ACP6: variants seen among roughly 807,000 people sequenced by gnomAD.
The protein encoded by ACP6 is lysophosphatidic acid phosphatase type 6.
In ACP6, 48 loss-of-function variants were observed where a neutral mutation model predicts 48.1. That is an observed-to-expected ratio of 1.00 (90% CI 0.79 to 1.27). The LOEUF is 1.27. Ranked by LOEUF, ACP6 falls within the 50% of genes most tolerant of loss-of-function variation. The pLI, the probability that ACP6 is intolerant of heterozygous loss-of-function variation, is 0.00. For synonymous variants in ACP6, 172 were observed against 204.2 expected (o/e 0.84, Z 1.34); for missense variants, 485 against 529.1 (o/e 0.92, Z 0.82).
intron 1 of ACP6, among the ~76,000 whole-genome samples, chr1:147,669,332 A>G (rs1041162571): frequency 1.3e-5 from 2 of 152,156 alleles, no homozygotes; most frequent in African/African-American, 4.8e-5. Context: ...AAGCAGTTAT[A>G]AAGTTTGTTT....
chr1:147,659,091 T>C (rs1439590715), intron 3 of ACP6, 52 bp from the exon 4 acceptor site: 25 of 1,501,714 alleles, frequency 1.7e-5, no homozygotes, highest in Non-Finnish European at 2.3e-5. Flanking sequence ...TTTAATTATA[T>C]ACACTCTATT....
At chr1:147,663,941 A>C (rs1660672507) in intron 1 of ACP6, among the ~76,000 whole-genome samples, 1 of 152,102 alleles carries the variant, frequency 6.6e-6, no homozygotes, top group South Asian at 2.1e-4. Flanking sequence ...TCAATTTCCT[A>C]CTACTTTGTT....
At chr1:147,668,004 A>C (rs1660890429) in intron 1 of ACP6, among the ~76,000 whole-genome samples, 1 of 151,292 alleles carries the variant, frequency 6.6e-6, no homozygotes, top group Non-Finnish European at 1.5e-5. Context: ...AAAAAATCCC[A>C]ATAACAACCT....
intron 4 of ACP6, among the ~76,000 whole-genome samples, chr1:147,657,252 T>C (rs1660304343): frequency 6.6e-6 from 1 of 152,148 alleles, no homozygotes; most frequent in Non-Finnish European, 1.5e-5. Flanking sequence ...CAAATGTACA[T>C]TGAGCAAATG....
chr1:147,641,502 C>T (rs1553208662), downstream of ACP6, among the ~76,000 whole-genome samples: 2 of 152,150 alleles, frequency 1.3e-5, no homozygotes, highest in Admixed American at 1.3e-4. Flanking sequence ...CAGATGAAGT[C>T]GGCCTTCCCT....
chr1:147,666,624 T>C (rs1338168772), intron 1 of ACP6, among the ~76,000 whole-genome samples: 2 of 152,212 alleles, frequency 1.3e-5, no homozygotes, highest in African/African-American at 4.8e-5. Flanking sequence ...CTCCACTTTT[T>C]TAATGCTCTT....
rs75460409 is a variant in ACP6 at position 147,649,175 on chromosome 1, C to T, written c.978-764G>A. On this transcript the variant is annotated intron_variant, in intron 8 of 9. Coordinates refer to ENST00000583509, the MANE Select transcript of ACP6 (RefSeq NM_016361.5). Reference sequence around the variant, plus strand: ...AACTCACTGTCTCCTATTCCTCTTACGCCATCATGAGTTTCTAGCTGTGAT... The same window carrying T: ...AACTCACTGTCTCCTATTCCTCTTATGCCATCATGAGTTTCTAGCTGTGAT... Among the ~76,000 whole-genome samples, 895 of 152,312 alleles carry T rather than the reference C, an allele frequency of 5.9e-3. 10 individuals are homozygous for T. The highest frequency in any genetic ancestry group is 0.02 in the African/African-American group (851 of 41,564).
At chr1:147,660,963 T>C (rs870578) in intron 1 of ACP6, among the ~76,000 whole-genome samples, 264 of 152,332 alleles carry the variant, frequency 1.7e-3, no homozygotes, top group African/African-American at 4.8e-3. Context: ...TTTACAGAGA[T>C]TGCATTTTTC....
At chr1:147,655,895 GA>G (rs1660232826) in intron 4 of ACP6, among the ~76,000 whole-genome samples, 1 of 152,116 alleles carries the variant, frequency 6.6e-6, no homozygotes, top group African/African-American at 2.4e-5. Flanking sequence ...AATGCCCAAA[GA>G]AAGTGTCCTA....
intron 4 of ACP6, among the ~76,000 whole-genome samples, chr1:147,658,099 G>A (rs1484462877): frequency 6.6e-6 from 1 of 152,320 alleles, no homozygotes; most frequent in East Asian, 1.9e-4. Flanking sequence ...ACCTAGACAC[G>A]TACTGTTTGT....
At chr1:147,632,052 C>T (rs1303323146) in intron 5 of ACP6, among the ~76,000 whole-genome samples, 4 of 152,016 alleles carry the variant, frequency 2.6e-5, no homozygotes, top group African/African-American at 9.7e-5. Flanking sequence ...AGGACCTTAC[C>T]CACACCAGTT....
At chr1:147,637,814 A>AG (rs1359718076), downstream of ACP6, among the ~76,000 whole-genome samples, 1 of 152,226 alleles carries the variant, frequency 6.6e-6, no homozygotes, top group Admixed American at 6.5e-5. Flanking sequence ...GCACAAACAT[A>AG]TCTAAGACAT....
In ACP6 at chr1:147,632,090, CT is replaced by C. The variant is rs587713881; in HGVS notation, c.461-1026del. 4.8e-3 allele frequency among the ~76,000 whole-genome samples: 736 copies of C among 152,030 alleles called. 9 individuals carry two copies. Among genetic ancestry groups the C allele is most frequent in the African/African-American group, 0.017 (702 of 41,444 alleles). On this transcript the variant is annotated intron_variant, in intron 5 of 5. Coordinates refer to the ACP6 transcript ENST00000609196. Reference sequence around the variant, plus strand: ...TTGGCCTGGCATACTTGACTCCAGGCTTTCCCAATGGCTGGCTTCTCCATGC... The same window carrying C: ...TTGGCCTGGCATACTTGACTCCAGGCTTCCCAATGGCTGGCTTCTCCATGC...
intron 4 of ACP6, among the ~76,000 whole-genome samples, chr1:147,658,552 AG>A (rs1553212082): frequency 6.6e-6 from 1 of 152,226 alleles, no homozygotes; most frequent in East Asian, 1.9e-4. Flanking sequence ...TAGACGGAAC[AG>A]TGTTCATGCT....
At position 147,643,032 on chromosome 1, in the gene ACP6, G is replaced by A. The variant is rs1659502799; in HGVS notation, c.*4391C>T. On this transcript the variant is annotated 3_prime_UTR_variant, in exon 10 of 10. Transcript: ENST00000583509. The stretch of plus-strand genomic sequence containing the variant: ...TTGCAGATAGTCATCTTCCCTCTGT[G>A]TCTGTGTCCTCATTTCCTCTTCTTA... 1 of 152,168 alleles carries A rather than the reference G, an allele frequency of 6.6e-6. No individual in the cohort carries two copies. 9.4% of individuals were successfully genotyped at this position (152,168 alleles called of 1,614,324 possible). A position where few individuals can be genotyped will look rare whatever the true frequency, so the allele number is the denominator to read the frequency against.
chr1:147,661,816 G>A (rs797039517), intron 1 of ACP6, among the ~76,000 whole-genome samples: 9 of 152,312 alleles, frequency 5.9e-5, no homozygotes, highest in African/African-American at 2.2e-4. Context: ...TGATAACATG[G>A]AGATATTCAA....
At chr1:147,661,457 T>C (rs1486375664) in intron 1 of ACP6, among the ~76,000 whole-genome samples, 1 of 152,158 alleles carries the variant, frequency 6.6e-6, no homozygotes, top group Non-Finnish European at 1.5e-5. Context: ...CAATAAATGT[T>C]GTGTGTTTTC....
chr1:147,669,699 T>A lies in ACP6; in HGVS notation c.219+131A>T, dbSNP rs1660983833. 5 of 951,472 alleles carry A rather than the reference T, an allele frequency of 5.3e-6. 1 individual carries two copies. Among genetic ancestry groups the A allele is most frequent in the Non-Finnish European group, 7.6e-6 (5 of 654,964 alleles). 58.9% of individuals were successfully genotyped at this position (951,472 alleles called of 1,614,324 possible). A position where few individuals can be genotyped will look rare whatever the true frequency, so the allele number is the denominator to read the frequency against. On this transcript the variant is annotated intron_variant, in intron 1 of 9. Coordinates refer to ENST00000583509, the MANE Select transcript of ACP6 (RefSeq NM_016361.5). ...TGGGGAGTCACTGGCTACTGCTGTT[T>A]TCCCTTCTTCTGGACCCAACCCGAG... is the stretch of plus-strand genomic sequence containing the variant.
chr1:147,662,885 TG>T (rs1660616781), intron 1 of ACP6, among the ~76,000 whole-genome samples: 1 of 152,184 alleles, frequency 6.6e-6, no homozygotes, highest in Non-Finnish European at 1.5e-5. Context: ...ACTTTACTGT[TG>T]TCTTATTTTT....
Sources: gnomAD v4.1 joint callset for allele counts (sites outside exome capture counted in the v4.1 genomes callset) on GRCh38, gnomAD v4.1.1 for gene constraint, MANE v1.5 for transcripts, NCBI Gene and HGNC (gene_info 2026-07-23, HGNC 2026-07-21) for gene names.